Variants in DIS3L2 observed in about 807,000 individuals in gnomAD.
DIS3L2 encodes DIS3-like exonuclease 2.
A neutral mutation model predicts 97.5 loss-of-function variants in DIS3L2; 34 were observed. The ratio of observed to expected loss-of-function variants is 0.35; its 90% CI spans 0.27 to 0.46. DIS3L2 has a LOEUF of 0.46. Ranked by LOEUF, DIS3L2 falls within the 20% of genes least tolerant of loss-of-function variation. The probability of loss-of-function intolerance (pLI) is 1.00; values close to 1 mark genes in which losing one functional copy is unlikely to be tolerated. For missense variants in DIS3L2, 1,038 were observed against 1,146.0 expected (o/e 0.91, Z 1.36); for synonymous variants, 435 against 445.2 (o/e 0.98, Z 0.29).
intron 8 of DIS3L2, among the ~76,000 whole-genome samples, chr2:232,147,029 A>T: frequency 6.6e-6 from 1 of 152,198 alleles, no homozygotes; most frequent in East Asian, 1.9e-4. Context: ...ATACATAAAA[A>T]ATTGAAAAAT....
intron 9 of DIS3L2, among the ~76,000 whole-genome samples, chr2:232,201,021 C>T (rs773761897): frequency 1.2e-4 from 18 of 152,118 alleles, no homozygotes; most frequent in East Asian, 1.9e-4. Context: ...GTGATCTGCC[C>T]GCCTCGGCCT....
At position 232,163,052 on chromosome 2, in the gene DIS3L2, G is replaced by A. The variant is rs1690699610; in HGVS notation, c.951-407G>A. Among the ~76,000 whole-genome samples, 3 of 152,204 alleles carry A rather than the reference G, an allele frequency of 2.0e-5. No homozygotes were observed. In the South Asian group the frequency reaches 6.2e-4, roughly 32 times the overall value. On this transcript the variant is annotated intron_variant, in intron 8 of 20. Coordinates refer to ENST00000325385, the MANE Select transcript of DIS3L2 (RefSeq NM_152383.5). ...ATTTTAAAGATTAAAAACTGGTAGA[G>A]TTGTGAAATAGGAACATCAGAATTA...
intron 10 of DIS3L2, among the ~76,000 whole-genome samples, chr2:232,220,087 C>T (rs964665238): frequency 2.0e-5 from 3 of 150,764 alleles, no homozygotes; most frequent in Non-Finnish European, 2.9e-5. Flanking sequence ...GCCTGAGCAA[C>T]GTAGCAAAAC....
At chr2:232,190,687 G>T (rs1010906457) in intron 9 of DIS3L2, among the ~76,000 whole-genome samples, 2 of 152,158 alleles carry the variant, frequency 1.3e-5, no homozygotes, top group Non-Finnish European at 2.9e-5. Flanking sequence ...AAGAAGTCTA[G>T]ATTACAGATA....
At chr2:232,193,777 A>G (rs1181781941) in intron 9 of DIS3L2, among the ~76,000 whole-genome samples, 8 of 152,226 alleles carry the variant, frequency 5.3e-5, no homozygotes, top group Admixed American at 5.2e-4. Flanking sequence ...TAGGTGAAAA[A>G]CATTCATGGC....
chr2:232,111,331 A>G, intron 6 of DIS3L2: 6 of 464,414 alleles, frequency 1.3e-5, no homozygotes, highest in South Asian at 9.4e-5. Context: ...ATTTTTTTAA[A>G]GAGCACATCA....
At chr2:232,034,236 T>A (rs1008684295) in intron 5 of DIS3L2, among the ~76,000 whole-genome samples, 3 of 152,304 alleles carry the variant, frequency 2.0e-5, no homozygotes, top group Middle Eastern at 6.8e-3. Context: ...TCTTCTAGAT[T>A]TTCTAGTTTA....
chr2:232,081,581 G>T (rs1696398448), intron 5 of DIS3L2, among the ~76,000 whole-genome samples: 1 of 151,836 alleles, frequency 6.6e-6, no homozygotes, highest in African/African-American at 2.4e-5. Flanking sequence ...GGTACAGTTC[G>T]TACAGGCCAG....
chr2:232,218,810 G>A (rs1692418985), intron 10 of DIS3L2, among the ~76,000 whole-genome samples: 1 of 152,124 alleles, frequency 6.6e-6, no homozygotes, highest in African/African-American at 2.4e-5. Flanking sequence ...TACGTGGCAC[G>A]CACAAGGACC....
intron 19 of DIS3L2, chr2:232,335,560 T>G: frequency 5.5e-5 from 30 of 549,600 alleles, no homozygotes; most frequent in East Asian, 1.3e-4. Context: ...GCCACGGGCC[T>G]TCCCAGCCCC....
At chr2:232,101,731 G>A (rs763585515) in intron 6 of DIS3L2, among the ~76,000 whole-genome samples, 3 of 152,234 alleles carry the variant, frequency 2.0e-5, no homozygotes, top group Non-Finnish European at 4.4e-5. Context: ...CAAGGATTCT[G>A]CTACATACTC....
At chr2:231,986,942 G>C (rs1321791718) in intron 1 of DIS3L2, among the ~76,000 whole-genome samples, 1 of 152,204 alleles carries the variant, frequency 6.6e-6, no homozygotes, top group Non-Finnish European at 1.5e-5. Context: ...GATGACTTCA[G>C]ATATTTCATC....
chr2:231,963,865 C>T (rs779123901), intron 1 of DIS3L2, among the ~76,000 whole-genome samples: 5 of 152,054 alleles, frequency 3.3e-5, no homozygotes, highest in South Asian at 2.1e-4. Flanking sequence ...ACTACAGGTG[C>T]GCACTACCAC....
chr2:232,122,727 AAAC>A (rs1335553979), intron 6 of DIS3L2, among the ~76,000 whole-genome samples: 2 of 121,556 alleles, frequency 1.6e-5, no homozygotes, highest in Non-Finnish European at 1.7e-5. Context: ...CAAAAACAAA[AAAC>A]AAAAACAAAA....
chr2:232,315,082 C>T (rs937654437), intron 14 of DIS3L2, among the ~76,000 whole-genome samples: 3 of 152,176 alleles, frequency 2.0e-5, no homozygotes, highest in Non-Finnish European at 2.9e-5. Flanking sequence ...GGTCTTTAAA[C>T]CCAAGGAGGC....
At chr2:232,330,239 G>A (rs1192655328) in intron 15 of DIS3L2, among the ~76,000 whole-genome samples, 1 of 152,250 alleles carries the variant, frequency 6.6e-6, no homozygotes, top group African/African-American at 2.4e-5. Context: ...CCTAGCAGAG[G>A]GCAGGGGTCC....
At chr2:232,106,841 A>G (rs1574880104) in intron 6 of DIS3L2, among the ~76,000 whole-genome samples, 1 of 152,252 alleles carries the variant, frequency 6.6e-6, no homozygotes, top group South Asian at 2.1e-4. Context: ...TCTAAAATTG[A>G]TCACGTAATC....
intron 12 of DIS3L2, among the ~76,000 whole-genome samples, chr2:232,252,011 G>A (rs1381356786): frequency 6.7e-6 from 1 of 150,168 alleles, no homozygotes; most frequent in Non-Finnish European, 1.5e-5. Context: ...AGAAAGAAGT[G>A]AAGGAATCAC....
At chr2:232,076,319 C>T (rs1350821036) in intron 5 of DIS3L2, among the ~76,000 whole-genome samples, 3 of 152,170 alleles carry the variant, frequency 2.0e-5, no homozygotes, top group African/African-American at 7.2e-5. Context: ...TAAGCCAGGG[C>T]TCCGGAGTCC....
Sources: gnomAD v4.1 joint callset for allele counts (sites outside exome capture counted in the v4.1 genomes callset) on GRCh38, gnomAD v4.1.1 for gene constraint, MANE v1.5 for transcripts, NCBI Gene and HGNC (gene_info 2026-07-23, HGNC 2026-07-21) for gene names.